SAMSN1: variants seen among roughly 807,000 people sequenced by gnomAD.
SAMSN1 encodes the protein SAM domain, SH3 domain and nuclear localization signals 1.
Under a neutral mutation model 42.0 loss-of-function variants are expected in SAMSN1, and 31 were observed. The observed-to-expected ratio is 0.74, with a 90% confidence interval of 0.55 to 1.00. The LOEUF (loss-of-function observed/expected upper bound fraction) is 1.00. Ranked by LOEUF, SAMSN1 falls within the 50% of genes least tolerant of loss-of-function variation. SAMSN1 has a pLI of 0.00. For missense variants in SAMSN1, 464 were observed against 439.4 expected (o/e 1.06, Z -0.50); for synonymous variants, 178 against 151.9 (o/e 1.17, Z -1.26).
At chr21:14,592,324 A>G (rs79547488) in intron 7 of SAMSN1, 2 of 152,548 alleles carry the variant, frequency 1.3e-5, no homozygotes, top group African/African-American at 2.4e-5. Context: ...TCTTAGCAAG[A>G]AGAGGAGCTA....
At chr21:14,580,279 G>A (rs890494309) in intron 2 of SAMSN1, among the ~76,000 whole-genome samples, 10 of 152,318 alleles carry the variant, frequency 6.6e-5, no homozygotes, top group African/African-American at 2.2e-4. Context: ...TCAATAAGGT[G>A]GGGGTAGTGC....
At chr21:14,657,998 C>G (rs184838144) in intron 1 of SAMSN1, among the ~76,000 whole-genome samples, 1 of 151,742 alleles carries the variant, frequency 6.6e-6, no homozygotes. Flanking sequence ...GATCTCCCAT[C>G]GACATCTTGA....
At chr21:14,516,201 T>A (rs537310708) in intron 3 of SAMSN1, among the ~76,000 whole-genome samples, 1 of 152,192 alleles carries the variant, frequency 6.6e-6, no homozygotes. Context: ...GCATTATTCA[T>A]AATAGCCAAA....
intron 5 of SAMSN1, among the ~76,000 whole-genome samples, chr21:14,606,471 A>T (rs573101134): frequency 6.6e-6 from 1 of 152,266 alleles, no homozygotes; most frequent in Admixed American, 6.5e-5. Flanking sequence ...GTAAACTCCA[A>T]TTCACAGATT....
chr21:14,658,366 A>G (rs1174185848), intron 1 of SAMSN1, among the ~76,000 whole-genome samples: 2 of 151,868 alleles, frequency 1.3e-5, no homozygotes, highest in Non-Finnish European at 2.9e-5. Context: ...ACAAAGAAGA[A>G]ATTTTGATTC....
At chr21:14,577,265 TATATATATATA>T (rs1600940423) in intron 2 of SAMSN1, among the ~76,000 whole-genome samples, 12 of 52,924 alleles carry the variant, frequency 2.3e-4, no homozygotes, top group East Asian at 7.9e-4. Context: ...TATATATATA[TATATATATATA>T]TATATATATT....
intron 1 of SAMSN1, among the ~76,000 whole-genome samples, chr21:14,582,991 A>T (rs1434321409): frequency 1.3e-5 from 2 of 152,174 alleles, no homozygotes; most frequent in African/African-American, 4.8e-5. Context: ...ATCTACCAAG[A>T]GATGTATGGA....
chr21:14,521,864 TTAAAA>T (rs1392093007), intron 1 of SAMSN1, among the ~76,000 whole-genome samples: 1 of 148,358 alleles, frequency 6.7e-6, no homozygotes, highest in African/African-American at 2.5e-5. Context: ...ACCCCGAAAA[TTAAAA>T]TAAAAATGAA....
At chr21:14,659,276 A>G (rs1983962476), upstream of SAMSN1, among the ~76,000 whole-genome samples, 1 of 152,146 alleles carries the variant, frequency 6.6e-6, no homozygotes, top group Admixed American at 6.6e-5. Context: ...AAATGGCAAG[A>G]TATGCAAAGT....
At position 14,636,615 on chromosome 21, in the gene SAMSN1, G is replaced by A. The variant is rs572966247; in HGVS notation, c.156+6387C>T. On this transcript the variant is annotated intron_variant, in intron 2 of 15. Coordinates refer to the SAMSN1 transcript ENST00000647101. ...ACCAGCACTTTAGGAGGTCGAGGCA[G>A]GCGGATCACGAGGTAACAAGATCAG... Among the ~76,000 whole-genome samples the A allele has an allele frequency of 7.4e-4, 113 of 152,286 alleles. 2 individuals are homozygous for A. Among genetic ancestry groups the A allele is most frequent in the Non-Finnish European group, 6.3e-4 (43 of 68,020 alleles).
At chr21:14,609,755 T>C (rs1982657850) in intron 4 of SAMSN1, among the ~76,000 whole-genome samples, 1 of 152,216 alleles carries the variant, frequency 6.6e-6, no homozygotes, top group East Asian at 1.9e-4. Flanking sequence ...GCTGAAGCCA[T>C]GGCAGAAGAA....
At chr21:14,598,903 T>A (rs1239293153) in intron 6 of SAMSN1, among the ~76,000 whole-genome samples, 1 of 152,204 alleles carries the variant, frequency 6.6e-6, no homozygotes, top group Non-Finnish European at 1.5e-5. Context: ...TACTATTCAT[T>A]ATTTTAACTC....
intron 5 of SAMSN1, among the ~76,000 whole-genome samples, chr21:14,509,819 G>A (rs1312511000): frequency 1.3e-5 from 2 of 152,028 alleles, no homozygotes; most frequent in African/African-American, 2.4e-5. Context: ...CTGATACCCC[G>A]ACTCCACCTC....
In SAMSN1 at chr21:14,628,091, T is replaced by G. The variant is rs1385814085; in HGVS notation, c.157-12075A>C. ...ATTTCTGCAATAAGACTTAAAAATA[T>G]CAATTAAAACAAAGACAAATATACA... is the stretch of plus-strand genomic sequence containing the variant. On this transcript the variant is annotated intron_variant, in intron 2 of 15. Transcript: ENST00000647101. Among the ~76,000 whole-genome samples the G allele has an allele frequency of 2.6e-5, 4 of 152,254 alleles. No homozygotes were observed. In the East Asian group the frequency reaches 7.7e-4, roughly 29 times the overall value.
At chr21:14,487,989 T>G (rs1021153460) in intron 7 of SAMSN1, among the ~76,000 whole-genome samples, 16 of 152,128 alleles carry the variant, frequency 1.1e-4, no homozygotes, top group African/African-American at 3.9e-4. Flanking sequence ...TTCACTCTTC[T>G]TTCTAAGCCC....
chr21:14,590,711 G>A (rs996605573), intron 7 of SAMSN1, among the ~76,000 whole-genome samples: 8 of 152,278 alleles, frequency 5.3e-5, no homozygotes, highest in African/African-American at 1.9e-4. Flanking sequence ...TGAATGGGAA[G>A]GTGCTTAGAG....
chr21:14,644,601 G>A (rs1983676895), intron 1 of SAMSN1, among the ~76,000 whole-genome samples: 1 of 152,138 alleles, frequency 6.6e-6, no homozygotes, highest in African/African-American at 2.4e-5. Context: ...TACTAGCTGT[G>A]GTGGCTACAG....
chr21:14,589,429 A>T (rs1314950014), intron 7 of SAMSN1, among the ~76,000 whole-genome samples: 1 of 152,010 alleles, frequency 6.6e-6, no homozygotes, highest in Non-Finnish European at 1.5e-5. Context: ...GACCAACCAA[A>T]TTCAGGGAAT....
At position 14,636,323 on chromosome 21, in the gene SAMSN1, C is replaced by G. The variant is rs71315781; in HGVS notation, c.156+6679G>C. On this transcript the variant is annotated intron_variant, in intron 2 of 15. Coordinates refer to the SAMSN1 transcript ENST00000647101. ...TCACTTCTCATCTCCCAAAAAGACA[C>G]TCTTCTAATCAACCCCTCTTAATCT... is the stretch of plus-strand genomic sequence containing the variant. Among the ~76,000 whole-genome samples, 779 of 152,200 alleles carry G rather than the reference C, an allele frequency of 5.1e-3. 6 individuals carry two copies. The highest frequency in any genetic ancestry group is 7.7e-3 in the Non-Finnish European group (526 of 68,000).
Sources: allele counts gnomAD v4.1 joint callset (sites outside exome capture counted in the v4.1 genomes callset), GRCh38; gene constraint gnomAD v4.1.1; transcripts MANE v1.5; gene names NCBI Gene and HGNC (gene_info 2026-07-23, HGNC 2026-07-21).